Variants in KIF20B observed in about 807,000 individuals in gnomAD.
KIF20B encodes the protein kinesin family member 20B.
KIF20B carries 188 observed loss-of-function variants against 232.5 expected under a neutral mutation model. The observed-to-expected ratio is 0.81, with a 90% CI of 0.72 to 0.91. The LOEUF (loss-of-function observed/expected upper bound fraction) is 0.91. Among genes scored for constraint, KIF20B ranks in the 40% least tolerant of loss-of-function variants. KIF20B has a pLI of 0.00. For synonymous variants in KIF20B, 712 were observed against 683.0 expected (o/e 1.04, Z -0.66); for missense variants, 2,154 against 2,055.9 (o/e 1.05, Z -0.92).
chr10:89,752,437 C>T, intron 24 of KIF20B, 130 bp from the exon 25 acceptor site: 1 of 551,366 alleles, frequency 1.8e-6, no homozygotes, highest in Non-Finnish European at 3.0e-6. Context: ...AGAATAGCCT[C>T]AGTTCCATCT....
intron 21 of KIF20B, among the ~76,000 whole-genome samples, chr10:89,743,583 C>G (rs1395658222): frequency 1.3e-5 from 2 of 152,002 alleles, no homozygotes; most frequent in Non-Finnish European, 1.5e-5. Context: ...AATAATGGAA[C>G]AAGAAATTGA....
chr10:89,771,975 G>GCT (rs756278982), intron 31 of KIF20B, among the ~76,000 whole-genome samples: 4 of 151,796 alleles, frequency 2.6e-5, no homozygotes, highest in African/African-American at 9.7e-5. Context: ...TGGACTCTCA[G>GCT]CTCTCTCAAG....
Position 89,762,943 on chromosome 10 carries a change from T to C in KIF20B, c.4989+108T>C, listed in dbSNP as rs2133168645. 3.9e-6 allele frequency: 3 copies of C among 766,902 alleles called. No homozygotes were observed. The South Asian group carries it at 5.1e-5, about 13-fold the overall frequency. 47.5% of individuals were successfully genotyped at this position (766,902 alleles called of 1,614,324 possible). A position where few individuals can be genotyped will look rare whatever the true frequency, so the allele number is the denominator to read the frequency against. ...CCCTCCTGTTCATAGGCACTGCTGT[T>C]AGAGACCAAAATCACAATTTATGCT... is the stretch of plus-strand genomic sequence containing the variant. On this transcript the variant is annotated intron_variant, in intron 29 of 32. Transcript: ENST00000371728.
chr10:89,766,080 A>G (rs562363742), intron 29 of KIF20B, among the ~76,000 whole-genome samples: 12 of 152,112 alleles, frequency 7.9e-5, no homozygotes, highest in Non-Finnish European at 1.8e-4. Context: ...TCTCCTGGAT[A>G]ATATCCTGCA....
At chr10:89,710,231 G>A (rs1252433177) in intron 5 of KIF20B, among the ~76,000 whole-genome samples, 166 bp downstream of exon 5, 2 of 53,092 alleles carry the variant, frequency 3.8e-5, no homozygotes, top group Admixed American at 1.9e-4. Flanking sequence ...TTTTTTTTTT[G>A]GCGGGGGAGG....
At chr10:89,768,669 A>G in intron 30 of KIF20B, 69 bp from the exon 31 acceptor site, 1 of 1,385,534 alleles carries the variant, frequency 7.2e-7, no homozygotes, top group Admixed American at 2.4e-5. Flanking sequence ...TCTTTAATTC[A>G]GCTGTGGCCA....
At chr10:89,723,300 A>G (rs1843106496) in intron 13 of KIF20B, among the ~76,000 whole-genome samples, 1 of 152,242 alleles carries the variant, frequency 6.6e-6, no homozygotes, top group Non-Finnish European at 1.5e-5. Context: ...TAATGCTACA[A>G]TTTATGTTAT....
chr10:89,708,466 C>T (rs962575864), intron 2 of KIF20B, among the ~76,000 whole-genome samples: 2 of 152,206 alleles, frequency 1.3e-5, no homozygotes, highest in Non-Finnish European at 2.9e-5. Flanking sequence ...CCGCCTCGGC[C>T]TCCCAAAGTG....
intron 31 of KIF20B, 59 bp downstream of exon 31, chr10:89,768,947 C>A: frequency 7.4e-7 from 1 of 1,359,382 alleles, no homozygotes; most frequent in Admixed American, 2.2e-5. Flanking sequence ...TATTTTAATA[C>A]CTAATTGATA....
chr10:89,739,128 T>G (rs989184189), intron 21 of KIF20B, 32 bp downstream of exon 21: 3 of 1,601,484 alleles, frequency 1.9e-6, no homozygotes, highest in Admixed American at 1.8e-5. Flanking sequence ...GTGGCCAGTT[T>G]ATGATAAAGA....
intron 26 of KIF20B, among the ~76,000 whole-genome samples, chr10:89,756,148 T>C (rs983091064): frequency 1.3e-5 from 2 of 152,224 alleles, no homozygotes; most frequent in South Asian, 2.1e-4. Context: ...CATTGAATGC[T>C]CTGTCCTCAT....
chr10:89,772,763 C>T lies in KIF20B; in HGVS notation c.5317C>T (p.Pro1773Ser), dbSNP rs780423330. The T allele has an allele frequency of 3.7e-6, 6 of 1,610,228 alleles. No individual in the cohort carries two copies. Among genetic ancestry groups the T allele is most frequent in the Non-Finnish European group, 5.1e-6 (6 of 1,177,694 alleles). ...AGCAAGTAAAGAAAATGTGTCTCAA[C>T]CAAAACGAGCCAAACGGAAATTATA... The part of the protein sequence containing the change: ...VEASKENVSQ[P>S]KRAKRKLYTS... Residue 1773 changes from proline (P) to serine (S), a missense_variant, in exon 32 of 33, where the codon CCA becomes TCA. Coordinates refer to ENST00000371728, the MANE Select transcript of KIF20B (RefSeq NM_001284259.2).
rs1468571241 is a variant in KIF20B at position 89,717,719 on chromosome 10, CAAAGT to C, written c.1271_1271+4del. On this transcript the variant is annotated splice_donor_variant and coding_sequence_variant, in exon 11 of 33. Transcript: ENST00000371728. LOFTEE classifies it high-confidence loss of function. ...AACGTCTTGAAGAATAGTGAAAAGT[CAAAGT>C]AAGTGTTTCTGAAAGTGTTATTAGC... The C allele has an allele frequency of 1.9e-6, 3 of 1,584,320 alleles. No individual in the cohort carries two copies. The highest frequency in any genetic ancestry group is 1.7e-6 in the Non-Finnish European group (2 of 1,166,006).
intron 23 of KIF20B, among the ~76,000 whole-genome samples, chr10:89,747,648 A>G (rs943461745): frequency 2.4e-4 from 36 of 151,492 alleles, no homozygotes; most frequent in African/African-American, 8.2e-4. Flanking sequence ...AAAAAACCAA[A>G]CACCACATGT....
chr10:89,749,464 C>T (rs556780022), intron 23 of KIF20B, among the ~76,000 whole-genome samples: 1 of 152,276 alleles, frequency 6.6e-6, no homozygotes, highest in Non-Finnish European at 1.5e-5. Context: ...GTACAACCAT[C>T]ACCACTATCT....
chr10:89,744,160 C>G (rs61870766), intron 22 of KIF20B, among the ~76,000 whole-genome samples: 1 of 151,960 alleles, frequency 6.6e-6, no homozygotes, highest in African/African-American at 2.4e-5. Flanking sequence ...ATAATAACTT[C>G]ATAGTGAAGA....
In KIF20B at chr10:89,719,475, ATCT is replaced by A. The variant is rs1843002911; in HGVS notation, c.1495_1497del (p.Ser499del). On this transcript the variant is annotated inframe_deletion, in exon 13 of 33. Coordinates refer to ENST00000371728, the MANE Select transcript of KIF20B (RefSeq NM_001284259.2). ...AAGAGAAATTATTTGGACCTGTCAAATCTTCTCAAGATGTATCACTAGACAGTA... is the reference window on the plus strand; with the variant it reads ...AAGAGAAATTATTTGGACCTGTCAAATCTCAAGATGTATCACTAGACAGTA... The A allele has an allele frequency of 6.2e-7, 1 of 1,605,788 alleles. No individual in the cohort carries two copies. Among genetic ancestry groups the A allele is most frequent in the Middle Eastern group, 1.7e-4 (1 of 5,930 alleles).
chr10:89,712,078 T>C (rs558721354), intron 6 of KIF20B, among the ~76,000 whole-genome samples: 165 of 152,136 alleles, frequency 1.1e-3, no homozygotes, highest in Non-Finnish European at 2.0e-3. Flanking sequence ...TTCCTGTGAA[T>C]TGTCACATGT....
chr10:89,724,605 A>T (rs1468543156), intron 14 of KIF20B, among the ~76,000 whole-genome samples: 4 of 152,144 alleles, frequency 2.6e-5, no homozygotes, highest in Non-Finnish European at 2.9e-5. Context: ...TTTTAAATTT[A>T]AATTTTAATT....
Sources: allele counts gnomAD v4.1 joint callset (sites outside exome capture counted in the v4.1 genomes callset), GRCh38; gene constraint gnomAD v4.1.1; transcripts MANE v1.5; gene names NCBI Gene and HGNC (gene_info 2026-07-23, HGNC 2026-07-21).